Variants in FAM53A observed in about 807,000 individuals in gnomAD.
FAM53A encodes the protein protein FAM53A.
A neutral mutation model predicts 26.6 loss-of-function variants in FAM53A; 28 were observed. The observed-to-expected ratio is 1.05, with a 90% CI of 0.78 to 1.45. The LOEUF (loss-of-function observed/expected upper bound fraction) is 1.45. FAM53A is among the 40% of genes most tolerant of loss of function. The pLI, the probability that FAM53A is intolerant of heterozygous loss-of-function variation, is 0.00. For missense variants in FAM53A, 650 were observed against 575.8 expected (o/e 1.13, Z -1.32); for synonymous variants, 290 against 253.1 (o/e 1.15, Z -1.38).
At chr4:1,611,353 G>A in the FAM53A span, among the ~76,000 whole-genome samples, 1 of 152,180 alleles carries the variant, frequency 6.6e-6, no homozygotes, top group African/African-American at 2.4e-5. Context: ...GTGTTCAGCA[G>A]TCAGTCTCCC....
At chr4:1,685,021 C>T (rs949561195), upstream of FAM53A, among the ~76,000 whole-genome samples, 1 of 152,110 alleles carries the variant, frequency 6.6e-6, no homozygotes, top group African/African-American at 2.4e-5. Flanking sequence ...CTCTCGGGGT[C>T]TCCAGCAAAT....
At chr4:1,639,820 T>A (rs532672836), downstream of FAM53A, 30 of 152,386 alleles carry the variant, frequency 2.0e-4, 1 homozygote, top group African/African-American at 7.0e-4. Context: ...TGGCATTGAT[T>A]AACTTCAATG....
At chr4:1,665,495 A>C (rs1322574519) in intron 2 of FAM53A, among the ~76,000 whole-genome samples, 1 of 152,112 alleles carries the variant, frequency 6.6e-6, no homozygotes, top group East Asian at 1.9e-4. Flanking sequence ...CTCAAAAAAA[A>C]AAAAAAAGTA....
intron 1 of FAM53A, among the ~76,000 whole-genome samples, chr4:1,634,762 T>C (rs991060178): frequency 6.6e-6 from 1 of 151,868 alleles, no homozygotes; most frequent in African/African-American, 2.4e-5. Context: ...TAGCCAGGCA[T>C]GGTGGTGCGC....
chr4:1,586,532 T>C, the FAM53A span, among the ~76,000 whole-genome samples: 1 of 151,832 alleles, frequency 6.6e-6, no homozygotes, highest in African/African-American at 2.4e-5. Context: ...TCCCAGCACT[T>C]TGGGGGTCCG....
the FAM53A span, among the ~76,000 whole-genome samples, chr4:1,581,498 C>G: frequency 6.6e-6 from 1 of 152,244 alleles, no homozygotes; most frequent in South Asian, 2.1e-4. Context: ...CCTGAATTTT[C>G]TCTTCCTCGT....
At chr4:1,588,705 C>T in the FAM53A span, among the ~76,000 whole-genome samples, 4 of 152,206 alleles carry the variant, frequency 2.6e-5, no homozygotes, top group Non-Finnish European at 5.9e-5. Flanking sequence ...CCTGAGAGAC[C>T]CTGAGCCAGA....
the FAM53A span, among the ~76,000 whole-genome samples, chr4:1,598,004 G>A: frequency 1.3e-5 from 2 of 152,212 alleles, no homozygotes; most frequent in Non-Finnish European, 2.9e-5. Flanking sequence ...AAGAACTGAG[G>A]ACCTTGGCGG....
At chr4:1,635,978 G>T (rs539142388), downstream of FAM53A, among the ~76,000 whole-genome samples, 132 of 151,592 alleles carry the variant, frequency 8.7e-4, no homozygotes, top group South Asian at 0.026. Flanking sequence ...CGACTAGCTG[G>T]GACTACAGGC....
At chr4:1,665,011 T>A (rs1714120731) in intron 2 of FAM53A, among the ~76,000 whole-genome samples, 1 of 149,768 alleles carries the variant, frequency 6.7e-6, no homozygotes, top group Non-Finnish European at 1.5e-5. Context: ...TGAAAAATAA[T>A]TTTTTAAAAA....
chr4:1,592,117 C>T, the FAM53A span, among the ~76,000 whole-genome samples: 3 of 152,178 alleles, frequency 2.0e-5, no homozygotes, highest in East Asian at 5.8e-4. Flanking sequence ...TTTGTCGGGC[C>T]GCTGTGCCTA....
In FAM53A at chr4:1,630,909, G is replaced by C. The variant is rs1168254329; in HGVS notation, c.432-12798C>G. On this transcript the variant is annotated intron_variant, in intron 1 of 1. Coordinates refer to the FAM53A transcript ENST00000489029. The surrounding 1 kb of genome is among the most constrained non-coding windows in gnomAD (Gnocchi z 4.3). Reference sequence around the variant, plus strand: ...ATTTTATGTTGAGGCTGGGCACCATGGCACGCGCCTGCAGTCCCAGCACTT... The same window carrying C: ...ATTTTATGTTGAGGCTGGGCACCATCGCACGCGCCTGCAGTCCCAGCACTT... Among the ~76,000 whole-genome samples, 1 of 152,212 alleles carries C rather than the reference G, an allele frequency of 6.6e-6. No individual in the cohort carries two copies. Among genetic ancestry groups the C allele is most frequent in the African/African-American group, 2.4e-5 (1 of 41,450 alleles).
At chr4:1,586,297 G>A in the FAM53A span, among the ~76,000 whole-genome samples, 5 of 151,790 alleles carry the variant, frequency 3.3e-5, no homozygotes, top group Admixed American at 6.6e-5. Flanking sequence ...GGGTTCAAGC[G>A]ATTCTCCTGA....
chr4:1,632,196 G>A (rs1347367695), intron 1 of FAM53A, among the ~76,000 whole-genome samples: 1 of 150,926 alleles, frequency 6.6e-6, no homozygotes, highest in African/African-American at 2.4e-5. Context: ...AGTATTTGGA[G>A]ATACGGTCTC....
chr4:1,636,106 C>A (rs1418233728), downstream of FAM53A, among the ~76,000 whole-genome samples: 1 of 152,150 alleles, frequency 6.6e-6, no homozygotes, highest in South Asian at 2.1e-4. Flanking sequence ...CTCAGCCTCC[C>A]AAAGTGCTGG....
At chr4:1,639,226 T>C (rs1715986393), downstream of FAM53A, among the ~76,000 whole-genome samples, 1 of 152,168 alleles carries the variant, frequency 6.6e-6, no homozygotes, top group Admixed American at 6.5e-5. Flanking sequence ...AGCCAGCCTC[T>C]GACCTGAGGG....
At chr4:1,610,417 C>T in the FAM53A span, among the ~76,000 whole-genome samples, 94 of 152,306 alleles carry the variant, frequency 6.2e-4, no homozygotes, top group Non-Finnish European at 9.3e-4. Context: ...AGCAGGCTCT[C>T]GGATGCCCAG....
chr4:1,612,185 G>A, the FAM53A span, among the ~76,000 whole-genome samples: 5 of 152,068 alleles, frequency 3.3e-5, no homozygotes, highest in South Asian at 1.0e-3. Context: ...TCTGCAATGG[G>A]CCAGCCACTA....
intron 1 of FAM53A, among the ~76,000 whole-genome samples, chr4:1,618,617 G>A (rs1465469918): frequency 6.6e-6 from 1 of 152,164 alleles, no homozygotes; most frequent in Non-Finnish European, 1.5e-5. Flanking sequence ...CCTGAGGGGT[G>A]GACTGTGGCT....
Sources: gnomAD v4.1 joint callset for allele counts (sites outside exome capture counted in the v4.1 genomes callset) on GRCh38, gnomAD v4.1.1 for gene constraint, Gnocchi (gnomAD v3.1) non-coding constraint, MANE v1.5 for transcripts, NCBI Gene and HGNC (gene_info 2026-07-23, HGNC 2026-07-21) for gene names.